The following C9orf43 variants were observed in gnomAD, a reference collection of about 807,000 sequenced individuals.
The protein encoded by C9orf43 is uncharacterized protein C9orf43.
Under a neutral mutation model 59.1 loss-of-function variants are expected in C9orf43, and 45 were observed. The ratio of observed to expected loss-of-function variants is 0.76; its 90% CI spans 0.60 to 0.98. C9orf43 has a LOEUF of 0.98. C9orf43 is among the 50% of genes least tolerant of loss of function. C9orf43 has a pLI of 0.00. For synonymous variants in C9orf43, 203 were observed against 196.8 expected, an observed-to-expected ratio of 1.03 and a Z score of -0.26; for missense variants, 533 against 554.9, an observed-to-expected ratio of 0.96 and a Z score of 0.40.
chr9:113,426,399 A>C (rs1379295747), intron 11 of C9orf43, among the ~76,000 whole-genome samples: 1 of 152,110 alleles, frequency 6.6e-6, no homozygotes, highest in African/African-American at 2.4e-5. Context: ...GGAGAATGGG[A>C]GGAGGGAGAA....
chr9:113,421,581 A>G (rs537525206), intron 5 of C9orf43, among the ~76,000 whole-genome samples: 2 of 152,258 alleles, frequency 1.3e-5, no homozygotes, highest in East Asian at 1.9e-4. Context: ...CCCAGGGCCT[A>G]GTACAGTGTA....
intron 11 of C9orf43, among the ~76,000 whole-genome samples, 194 bp downstream of exon 11, chr9:113,425,924 C>A (rs1466051225): frequency 6.6e-6 from 1 of 152,198 alleles, no homozygotes; most frequent in Non-Finnish European, 1.5e-5. Context: ...AACAAACAAG[C>A]TGAGCCAGAT....
At chr9:113,424,400 A>G (rs1828704090) in intron 8 of C9orf43, 84 bp downstream of exon 8, 5 of 1,402,472 alleles carry the variant, frequency 3.6e-6, no homozygotes, top group African/African-American at 1.4e-5. Flanking sequence ...TTGACATTCT[A>G]TTCCTTATCT....
intron 1 of C9orf43, among the ~76,000 whole-genome samples, chr9:113,413,204 G>C (rs1474585594): frequency 6.6e-6 from 1 of 152,202 alleles, no homozygotes; most frequent in Non-Finnish European, 1.5e-5. Context: ...TTAAGTCCCA[G>C]GTCACTCAGC....
At chr9:113,427,397 G>A (rs761946263) in intron 11 of C9orf43, among the ~76,000 whole-genome samples, 4 of 152,238 alleles carry the variant, frequency 2.6e-5, no homozygotes, top group South Asian at 4.2e-4. Context: ...GGCTGGTCTC[G>A]AACTCCCAAC....
chr9:113,421,497 CTT>C (rs1828572212), intron 5 of C9orf43, among the ~76,000 whole-genome samples: 1 of 151,964 alleles, frequency 6.6e-6, no homozygotes, highest in Non-Finnish European at 1.5e-5. Context: ...AATGCTCTCT[CTT>C]AGTTTTTCTT....
Position 113,413,788 on chromosome 9 carries a change from A to G in C9orf43, c.181A>G (p.Ile61Val), listed in dbSNP as rs1169475490. The change falls in exon 3 of 14, where the codon ATC (isoleucine) becomes GTC (valine). Residue 61 changes from isoleucine to valine, a missense_variant. Physicochemically the swap from Ile to Val is conservative, Grantham distance 29. Coordinates refer to ENST00000374165, the MANE Select transcript of C9orf43 (RefSeq NM_001278629.2). Reference sequence around the variant, plus strand: ...ACTCCCAGTGCTCACCGTGGTAGACATCTTAGATTCCGGCTTTGCAGCTCA... The same window carrying G: ...ACTCCCAGTGCTCACCGTGGTAGACGTCTTAGATTCCGGCTTTGCAGCTCA... ...DKLPVLTVVD[I>V]LDSGFAAHHL... The G allele has an allele frequency of 8.1e-6, 13 of 1,614,062 alleles. No individual in the cohort carries two copies. Among genetic ancestry groups the G allele is most frequent in the Non-Finnish European group, 1.1e-5 (13 of 1,180,034 alleles).
intron 3 of C9orf43, among the ~76,000 whole-genome samples, chr9:113,415,585 C>T (rs1828328425): frequency 6.6e-6 from 1 of 152,094 alleles, no homozygotes; most frequent in African/African-American, 2.4e-5. Context: ...GCGTGAGCCA[C>T]CATGCCCGGC....
chr9:113,425,593 T>C, intron 10 of C9orf43, 50 bp from the exon 11 acceptor site: 1 of 1,583,716 alleles, frequency 6.3e-7, no homozygotes, highest in Non-Finnish European at 8.6e-7. Flanking sequence ...TGAAAAAAGT[T>C]TTCTTTACTT....
At position 113,425,720 on chromosome 9, in the gene C9orf43, C is replaced by T. The variant is rs750782512; in HGVS notation, c.1020C>T (p.Asp340=). ...AACATCCAGTTACCACCGTTCATGA[C>T]CGTCTCTATGGTAAGGGGAATATAT... The part of the protein sequence containing the change: ...SHKHPVTTVH[D]RLYGYRTLPG... Residue 340 remains aspartate, a synonymous_variant, in exon 11 of 14, where the codon GAC becomes GAT. Transcript: ENST00000374165. 1.2e-6 allele frequency: 2 copies of T among 1,613,002 alleles called. No individual in the cohort carries two copies. The highest frequency in any genetic ancestry group is 1.1e-5 in the South Asian group (1 of 91,072).
At chr9:113,423,717 A>T (rs1828677229) in intron 7 of C9orf43, among the ~76,000 whole-genome samples, 1 of 152,204 alleles carries the variant, frequency 6.6e-6, no homozygotes, top group African/African-American at 2.4e-5. Flanking sequence ...TAGGCATATC[A>T]CATGTACTTT....
rs370827156 is a variant in C9orf43 at position 113,413,909 on chromosome 9, A to C, written c.287+15A>C. 2 of 1,604,660 alleles carry C rather than the reference A, an allele frequency of 1.2e-6. No individual in the cohort carries two copies. Among genetic ancestry groups the C allele is most frequent in the African/African-American group, 2.7e-5 (2 of 74,330 alleles). On this transcript the variant is annotated intron_variant, in intron 3 of 13. Transcript: ENST00000374165. ...TTTCATGGCAGGTAAATTATCATGG[A>C]ATCTTCCTTTACAGCCTATTGTCTC...
At chr9:113,425,765 G>A (rs1429644699) in intron 11 of C9orf43, 35 bp downstream of exon 11, 3 of 1,519,332 alleles carry the variant, frequency 2.0e-6, no homozygotes. Context: ...GGGGTGATAG[G>A]ATCCCTGAGG....
chr9:113,426,886 A>G (rs1359290618), intron 11 of C9orf43, among the ~76,000 whole-genome samples: 2 of 152,138 alleles, frequency 1.3e-5, no homozygotes, highest in Admixed American at 1.3e-4. Flanking sequence ...TATGGAAGAG[A>G]TGATTTTTGC....
intron 11 of C9orf43, among the ~76,000 whole-genome samples, chr9:113,427,167 TTTTA>T (rs1278051985): frequency 2.0e-5 from 3 of 152,124 alleles, no homozygotes; most frequent in Admixed American, 1.3e-4. Flanking sequence ...ATTGTGAAGC[TTTTA>T]TTTATTTATT....
Position 113,421,205 on chromosome 9 carries a change from T to G in C9orf43, c.446+2T>G, listed in dbSNP as rs1237366776. ...AGAAGAAACAGAGATACATGTGAGG[T>G]GAGTATCATATCTGGAACTCAGAGG... On this transcript the variant is annotated splice_donor_variant, in intron 5 of 13. Coordinates refer to ENST00000374165, the MANE Select transcript of C9orf43 (RefSeq NM_001278629.2). LOFTEE classifies it high-confidence loss of function. 1 of 1,595,006 alleles carries G rather than the reference T, an allele frequency of 6.3e-7. No individual in the cohort carries two copies. Among genetic ancestry groups the G allele is most frequent in the Non-Finnish European group, 8.6e-7 (1 of 1,163,010 alleles).
rs757656424 is a variant in C9orf43, at chr9:113,425,352, A to C, written c.874A>C (p.Lys292Gln). The change falls in exon 10 of 14, where the codon AAA becomes CAA. Residue 292 changes from lysine (K) to glutamine (Q), a missense_variant. Physicochemically the swap from Lys to Gln is moderately conservative, Grantham distance 53. Transcript: ENST00000374165. ...LHNLKTEGYRKQQQRQQQQQQ... is the reference protein window; with the variant it reads ...LHNLKTEGYRQQQQRQQQQQQ... ...GGCTCTCTGGTCACCAGGTTACAGG[A>C]AACAGCAGCAGCGGCAGCAGCAGCA... 1 of 1,613,802 alleles carries C rather than the reference A, an allele frequency of 6.2e-7. No homozygotes were observed.
At chr9:113,420,723 C>T in intron 4 of C9orf43, 2 of 982,810 alleles carry the variant, frequency 2.0e-6, no homozygotes, top group Non-Finnish European at 2.4e-6. Context: ...TATCAGTTCT[C>T]TTCCTGCTCC....
At chr9:113,427,639 C>T (rs1241510084) in intron 11 of C9orf43, among the ~76,000 whole-genome samples, 6 of 152,114 alleles carry the variant, frequency 3.9e-5, no homozygotes, top group Non-Finnish European at 8.8e-5. Flanking sequence ...GGTAGGGAGT[C>T]CATGGAAATG....
Sources: gnomAD v4.1 joint callset for allele counts (sites outside exome capture counted in the v4.1 genomes callset) on GRCh38, gnomAD v4.1.1 for gene constraint, MANE v1.5 for transcripts, NCBI Gene and HGNC (gene_info 2026-07-23, HGNC 2026-07-21) for gene names.